The following KIAA0232 variants were observed in gnomAD, a reference collection of about 807,000 sequenced individuals.
KIAA0232 encodes the protein KIAA0232.
A neutral mutation model predicts 122.0 loss-of-function variants in KIAA0232; 27 were observed. The observed-to-expected ratio is 0.22, with a 90% CI of 0.16 to 0.31. KIAA0232 has a LOEUF of 0.31. Ranked by LOEUF, KIAA0232 falls within the 10% of genes least tolerant of loss-of-function variation. The pLI is 1.00. For missense variants in KIAA0232, 1,551 were observed against 1,634.2 expected, an observed-to-expected ratio of 0.95 and a Z score of 0.88; for synonymous variants, 613 against 587.6, an observed-to-expected ratio of 1.04 and a Z score of -0.63.
chr4:6,858,501 G>A lies in KIAA0232; in HGVS notation c.513G>A (p.Val171=), dbSNP rs763038534. The change falls in exon 6 of 10, where the codon GTG becomes GTA. Residue 171 remains valine (V), a synonymous_variant. Transcript: ENST00000307659. ...TATCCCCTCCAGCAAAGGATCAAGT[G>A]GAAATGTATGTAAGATTGTATTCGG... The part of the protein sequence containing the change: ...AELSPPAKDQ[V]EMYYEAFPPL... The A allele has an allele frequency of 6.3e-7, 1 of 1,597,192 alleles. No homozygotes were observed.
intron 2 of KIAA0232, among the ~76,000 whole-genome samples, chr4:6,823,601 T>C (rs139226835): frequency 2.0e-3 from 304 of 152,304 alleles, no homozygotes; most frequent in African/African-American, 6.9e-3. Flanking sequence ...TTTTTACCCA[T>C]GTTTCAATGA....
At chr4:6,856,335 A>G (rs947312698) in intron 4 of KIAA0232, among the ~76,000 whole-genome samples, 6 of 152,204 alleles carry the variant, frequency 3.9e-5, no homozygotes, top group African/African-American at 1.4e-4. Flanking sequence ...GAATAAATCT[A>G]AAGTTTCTGA....
intron 1 of KIAA0232, 37 bp from the exon 2 acceptor site, chr4:6,804,486 T>C (rs902767256): frequency 1.9e-4 from 29 of 152,322 alleles, no homozygotes; most frequent in African/African-American, 7.0e-4. Context: ...GGTAGGTACG[T>C]CTTTGATACT....
intron 1 of KIAA0232, among the ~76,000 whole-genome samples, chr4:6,790,915 CTTTTTTT>C (rs35766310): frequency 1.1e-5 from 1 of 92,940 alleles, no homozygotes; most frequent in African/African-American, 4.7e-5. Flanking sequence ...TTTTTATATA[CTTTTTTT>C]TTTTTTTTTT....
At chr4:6,823,653 A>C (rs1050153074) in intron 2 of KIAA0232, among the ~76,000 whole-genome samples, 4 of 152,122 alleles carry the variant, frequency 2.6e-5, no homozygotes, top group African/African-American at 7.2e-5. Context: ...CTTAGATATG[A>C]ACTAGTGATT....
At chr4:6,847,688 G>A (rs1193600507) in intron 4 of KIAA0232, among the ~76,000 whole-genome samples, 2 of 152,108 alleles carry the variant, frequency 1.3e-5, no homozygotes, top group African/African-American at 2.4e-5. Context: ...TAGTAATGGG[G>A]TCTGTAAAGA....
At chr4:6,874,332 G>A (rs1018228257) in intron 8 of KIAA0232, among the ~76,000 whole-genome samples, 17 of 152,334 alleles carry the variant, frequency 1.1e-4, no homozygotes, top group Admixed American at 9.8e-4. Context: ...GCAGGGAGAG[G>A]TGCCAGGCAG....
chr4:6,862,222 C>T lies in KIAA0232; in HGVS notation c.1840C>T (p.Leu614Phe). 1 of 1,614,166 alleles carries T rather than the reference C, an allele frequency of 6.2e-7. No individual in the cohort carries two copies. ...TTTTGGAGGAGACTCTCCAGTTAGA[C>T]TCTCTCCCATCTTAGACAGCACAGT... Reference protein sequence around the residue: ...ESFGGDSPVRLSPILDSTVLN... With the variant: ...ESFGGDSPVRFSPILDSTVLN... Residue 614 changes from leucine to phenylalanine, a missense_variant, in exon 7 of 10, where the codon CTC becomes TTC. Leu to Phe is a conservative substitution (Grantham distance 22, BLOSUM62 0). Coordinates refer to ENST00000307659, the MANE Select transcript of KIAA0232 (RefSeq NM_014743.3).
chr4:6,879,180 A>G (rs967895873), intron 9 of KIAA0232, among the ~76,000 whole-genome samples: 7 of 152,136 alleles, frequency 4.6e-5, no homozygotes, highest in African/African-American at 1.4e-4. Flanking sequence ...CATCCTTTCC[A>G]GCCTTCTCTC....
chr4:6,862,158 G>A lies in KIAA0232; in HGVS notation c.1776G>A (p.Glu592=). Reference sequence around the variant, plus strand: ...TTGGCAATCTGGCTCAGTTTTGGGAGTGCTGTTCATCCAGCTCCGGTGATG... The same window carrying A: ...TTGGCAATCTGGCTCAGTTTTGGGAATGCTGTTCATCCAGCTCCGGTGATG... The part of the protein sequence containing the change: ...QDLGNLAQFW[E]CCSSSSGDAD... Residue 592 remains glutamate, a synonymous_variant, in exon 7 of 10, where the codon GAG becomes GAA. Coordinates refer to ENST00000307659, the MANE Select transcript of KIAA0232 (RefSeq NM_014743.3). 1 of 1,614,164 alleles carries A rather than the reference G, an allele frequency of 6.2e-7. No homozygotes were observed. The highest frequency in any genetic ancestry group is 8.5e-7 in the Non-Finnish European group (1 of 1,180,038).
At chr4:6,812,242 G>A (rs1364551919) in intron 2 of KIAA0232, among the ~76,000 whole-genome samples, 3 of 152,124 alleles carry the variant, frequency 2.0e-5, no homozygotes, top group Non-Finnish European at 4.4e-5. Flanking sequence ...AACCAGTGTC[G>A]TCTAGTAGAA....
rs1721718391 is a variant in KIAA0232, at chr4:6,875,782, A to G, written c.3911-878A>G. ...AATGCCAGAGTCCAAAACCCTGGCCAAGTTCCTCCTTTTACTCTGCACTGT... is the reference window on the plus strand; with the variant it reads ...AATGCCAGAGTCCAAAACCCTGGCCGAGTTCCTCCTTTTACTCTGCACTGT... On this transcript the variant is annotated intron_variant, in intron 8 of 9. Transcript: ENST00000307659. 2.0e-5 allele frequency among the ~76,000 whole-genome samples: 3 copies of G among 152,208 alleles called. No homozygotes were observed. In the South Asian group the frequency reaches 6.2e-4, roughly 32 times the overall value.
intron 4 of KIAA0232, among the ~76,000 whole-genome samples, chr4:6,851,571 A>C (rs1263375386): frequency 6.6e-6 from 1 of 151,916 alleles, no homozygotes; most frequent in African/African-American, 2.4e-5. Context: ...AGAAAAGCCA[A>C]GTGTGGTGGC....
chr4:6,798,688 A>G (rs570384846), intron 1 of KIAA0232, among the ~76,000 whole-genome samples: 2 of 152,142 alleles, frequency 1.3e-5, no homozygotes, highest in East Asian at 3.9e-4. Context: ...AGTCTCTTGG[A>G]CTATAGGCAT....
intron 1 of KIAA0232, among the ~76,000 whole-genome samples, chr4:6,787,157 G>A (rs1254606631): frequency 7.1e-6 from 1 of 141,580 alleles, no homozygotes; most frequent in Non-Finnish European, 1.5e-5. Flanking sequence ...CTCCAGCCTG[G>A]CGACAGAGCA....
chr4:6,796,600 C>T, intron 1 of KIAA0232, among the ~76,000 whole-genome samples: 1 of 152,166 alleles, frequency 6.6e-6, no homozygotes, highest in Non-Finnish European at 1.5e-5. Context: ...TCTAACATAG[C>T]CTATCTGAGG....
rs370128398 is a variant in KIAA0232 at position 6,861,595 on chromosome 4, G to A, written c.1213G>A (p.Glu405Lys). 1.2e-5 allele frequency: 20 copies of A among 1,613,950 alleles called. No individual in the cohort carries two copies. The highest frequency in any genetic ancestry group is 8.9e-5 in the East Asian group (4 of 44,872). ...EYKEEPLWYT[E>K]PIAEYFVPLS... ...TAAAGAGGAGCCCTTGTGGTACACC[G>A]AGCCAATTGCTGAATATTTTGTTCC... Residue 405 changes from glutamate to lysine, a missense_variant, in exon 7 of 10, where the codon GAG becomes AAG. Glu to Lys is a moderately conservative substitution (Grantham distance 56). This residue lies in a region of KIAA0232 where 3 missense variants were observed against 17.0 expected (regional missense o/e 0.18). Coordinates refer to ENST00000307659, the MANE Select transcript of KIAA0232 (RefSeq NM_014743.3).
chr4:6,794,764 T>C (rs1217793354), intron 1 of KIAA0232, among the ~76,000 whole-genome samples: 1 of 152,112 alleles, frequency 6.6e-6, no homozygotes, highest in Non-Finnish European at 1.5e-5. Context: ...ATGTGGGATG[T>C]GCGAGGAGGA....
chr4:6,809,938 A>C lies in KIAA0232; in HGVS notation c.-270+5332A>C, dbSNP rs531884442. ...TGATAAAAGAAATTGTAGATGACAA[A>C]TAAATGGAAAAACATCCAATGCTCA... On this transcript the variant is annotated intron_variant, in intron 2 of 9. Transcript: ENST00000307659. 1.5e-3 allele frequency among the ~76,000 whole-genome samples: 228 copies of C among 152,336 alleles called. 6 individuals are homozygous for C. In the South Asian group the frequency reaches 0.036, roughly 24 times the overall value.
Sources: gnomAD v4.1 joint callset for allele counts (sites outside exome capture counted in the v4.1 genomes callset) on GRCh38, gnomAD v4.1.1 for gene constraint, gnomAD v4.1.1 regional missense constraint, MANE v1.5 for transcripts, NCBI Gene and HGNC (gene_info 2026-07-23, HGNC 2026-07-21) for gene names.